FOXN3: variants seen among roughly 807,000 people sequenced by gnomAD.
The protein encoded by FOXN3 is forkhead box protein N3.
Under a neutral mutation model 38.4 loss-of-function variants are expected in FOXN3, and 7 were observed. The observed-to-expected ratio is 0.18, with a 90% CI of 0.10 to 0.34. FOXN3 has a LOEUF of 0.34. Ranked by LOEUF, FOXN3 falls within the 10% of genes least tolerant of loss-of-function variation. FOXN3 has a pLI of 1.00. For missense variants in FOXN3, 456 were observed against 613.4 expected, an observed-to-expected ratio of 0.74 and a Z score of 2.71; for synonymous variants, 230 against 242.2, an observed-to-expected ratio of 0.95 and a Z score of 0.47.
intron 2 of FOXN3, among the ~76,000 whole-genome samples, chr14:89,384,591 C>T (rs903307196): frequency 4.6e-5 from 7 of 152,172 alleles, no homozygotes; most frequent in African/African-American, 1.4e-4. Context: ...CAACAAACAT[C>T]AGCCCCACAC....
At chr14:89,259,237 T>C (rs1236277572) in intron 4 of FOXN3, among the ~76,000 whole-genome samples, 2 of 152,232 alleles carry the variant, frequency 1.3e-5, no homozygotes, top group Admixed American at 1.3e-4. Context: ...TAAGGATGCG[T>C]CTTGCTGTAT....
chr14:89,612,478 T>A (rs1327904815), intron 1 of FOXN3, among the ~76,000 whole-genome samples: 1 of 152,142 alleles, frequency 6.6e-6, no homozygotes, highest in Non-Finnish European at 1.5e-5. Context: ...TTTGCTGAAT[T>A]AGGAAATTTC....
chr14:89,495,286 G>A (rs1402460506), intron 1 of FOXN3, among the ~76,000 whole-genome samples: 1 of 152,056 alleles, frequency 6.6e-6, no homozygotes, highest in Non-Finnish European at 1.5e-5. Context: ...CCCTGAACTG[G>A]CATATTTTAA....
At chr14:89,356,405 A>ATAT (rs1268837553) in intron 2 of FOXN3, 2 of 151,892 alleles carry the variant, frequency 1.3e-5, no homozygotes, top group Non-Finnish European at 1.5e-5. Flanking sequence ...TCAAAAAAAT[A>ATAT]TATAATAATA....
chr14:89,518,926 A>G (rs1341089725), intron 1 of FOXN3, among the ~76,000 whole-genome samples: 1 of 152,116 alleles, frequency 6.6e-6, no homozygotes, highest in African/African-American at 2.4e-5. Flanking sequence ...GAGGCAGGAG[A>G]ATCGCTTGAG....
chr14:89,589,971 G>C (rs1275736207), intron 1 of FOXN3, among the ~76,000 whole-genome samples: 17 of 152,122 alleles, frequency 1.1e-4, no homozygotes. Flanking sequence ...TGGCCAAAGA[G>C]GGCAGCAGTG....
At chr14:89,343,442 A>G (rs1888670691) in intron 3 of FOXN3, among the ~76,000 whole-genome samples, 1 of 151,626 alleles carries the variant, frequency 6.6e-6, no homozygotes, top group African/African-American at 2.4e-5. Flanking sequence ...ACCACTCTGT[A>G]CAATTTCTAT....
intron 1 of FOXN3, among the ~76,000 whole-genome samples, chr14:89,448,610 G>T (rs1892556393): frequency 6.6e-6 from 1 of 152,102 alleles, no homozygotes; most frequent in Non-Finnish European, 1.5e-5. Context: ...CTGTCTGACA[G>T]GGCAAAAGAT....
At chr14:89,523,574 A>T (rs2139824797) in intron 1 of FOXN3, among the ~76,000 whole-genome samples, 1 of 152,344 alleles carries the variant, frequency 6.6e-6, no homozygotes, top group African/African-American at 2.4e-5. Flanking sequence ...TTGAAAACTA[A>T]ATAACACATC....
intron 1 of FOXN3, among the ~76,000 whole-genome samples, chr14:89,413,254 G>A (rs559410782): frequency 2.0e-5 from 3 of 152,246 alleles, no homozygotes; most frequent in East Asian, 1.9e-4. Context: ...TCTCCGTAGC[G>A]CTAAAACAAT....
In FOXN3 at chr14:89,585,605, G is replaced by A. The variant is rs566706610; in HGVS notation, c.-15+33423C>T. Among the ~76,000 whole-genome samples the A allele has an allele frequency of 3.3e-5, 5 of 152,174 alleles. No homozygotes were observed. The East Asian group carries it at 9.7e-4, about 29-fold the overall frequency. ...AAAACAGAGACTAAAAAAGCTCCCT[G>A]CCCTGGCAGAGTTGACATTCTAGCA... On this transcript the variant is annotated intron_variant, in intron 1 of 6. Coordinates refer to the FOXN3 transcript ENST00000345097.
In FOXN3 at chr14:89,311,145, T is replaced by C. The variant is rs188752164; in HGVS notation, c.681-30131A>G. On this transcript the variant is annotated intron_variant, in intron 3 of 5. Coordinates refer to ENST00000557258, the MANE Select transcript of FOXN3 (RefSeq NM_005197.4). ...AACCTGACATCTTTTAAAAAAAATC[T>C]TATATCTTTTAAAAAAAAGATCTTT... Among the ~76,000 whole-genome samples, 314 of 149,314 alleles carry C rather than the reference T, an allele frequency of 2.1e-3. 1 individual carries two copies. The highest frequency in any genetic ancestry group is 3.7e-3 in the Non-Finnish European group (248 of 67,592).
intron 4 of FOXN3, among the ~76,000 whole-genome samples, chr14:89,253,951 T>A (rs1006757230): frequency 6.6e-6 from 1 of 152,182 alleles, no homozygotes; most frequent in Non-Finnish European, 1.5e-5. Context: ...CCATGGCCCA[T>A]CAAACCACCC....
In FOXN3 at chr14:89,348,657, G is replaced by T. The variant is rs577009805; in HGVS notation, c.680+2015C>A. ...ACCGCATGGGCAGAAGCAGAAACTGGTTTTTTTTCCCCCCTCAGTCAACTG... is the reference window on the plus strand; with the variant it reads ...ACCGCATGGGCAGAAGCAGAAACTGTTTTTTTTTCCCCCCTCAGTCAACTG... On this transcript the variant is annotated intron_variant, in intron 3 of 5. Transcript: ENST00000557258. Among the ~76,000 whole-genome samples, 779 of 152,038 alleles carry T rather than the reference G, an allele frequency of 5.1e-3. 4 individuals carry two copies. The highest frequency in any genetic ancestry group is 0.017 in the African/African-American group (705 of 41,342).
chr14:89,299,693 G>A (rs1423916401), intron 3 of FOXN3, among the ~76,000 whole-genome samples: 3 of 152,186 alleles, frequency 2.0e-5, no homozygotes, highest in African/African-American at 4.8e-5. Flanking sequence ...GGACCAGGTG[G>A]CCAAGTCTGG....
intron 2 of FOXN3, among the ~76,000 whole-genome samples, chr14:89,402,196 A>C (rs1226183521): frequency 6.6e-6 from 1 of 152,212 alleles, no homozygotes; most frequent in Non-Finnish European, 1.5e-5. Context: ...TTTTGATGAC[A>C]CTAAATGCAA....
chr14:89,343,641 T>TC (rs1555419625), intron 3 of FOXN3, among the ~76,000 whole-genome samples: 3 of 149,446 alleles, frequency 2.0e-5, no homozygotes, highest in Non-Finnish European at 4.5e-5. Context: ...TTTTTTTTTT[T>TC]CTTTTTTGCG....
intron 2 of FOXN3, among the ~76,000 whole-genome samples, chr14:89,394,212 CTTT>C (rs35674375): frequency 9.1e-6 from 1 of 109,612 alleles, no homozygotes; most frequent in Non-Finnish European, 1.8e-5. Flanking sequence ...GATCGACGTT[CTTT>C]TTTTTTTTTT....
intron 1 of FOXN3, among the ~76,000 whole-genome samples, chr14:89,531,079 C>A (rs995347010): frequency 1.4e-5 from 2 of 146,118 alleles, no homozygotes; most frequent in African/African-American, 5.0e-5. Flanking sequence ...TATATACACA[C>A]ACATATATAT....
Sources: allele counts gnomAD v4.1 joint callset (sites outside exome capture counted in the v4.1 genomes callset), GRCh38; gene constraint gnomAD v4.1.1; transcripts MANE v1.5; gene names NCBI Gene and HGNC (gene_info 2026-07-23, HGNC 2026-07-21).